Variants in CSMD1 observed in about 807,000 individuals in gnomAD.
CSMD1 encodes the protein CUB and Sushi multiple domains 1.
In CSMD1, 213 loss-of-function variants were observed where a neutral mutation model predicts 417.5. The ratio of observed to expected loss-of-function variants is 0.51; its 90% CI spans 0.46 to 0.57. The LOEUF (loss-of-function observed/expected upper bound fraction) is 0.57, where lower values mean the gene tolerates loss of function less well. Among genes scored for constraint, CSMD1 ranks in the 20% least tolerant of loss-of-function variants. The probability of loss-of-function intolerance (pLI) is 0.00; values close to 1 mark genes in which losing one functional copy is unlikely to be tolerated. For missense variants in CSMD1, 6,923 were observed against 4,529.7 expected (o/e 1.53, Z -15.17); for synonymous variants, 2,862 against 1,736.8 (o/e 1.65, Z -16.11).
intron 1 of CSMD1, among the ~76,000 whole-genome samples, chr8:4,770,360 A>G (rs916964788): frequency 6.7e-6 from 1 of 148,602 alleles, no homozygotes; most frequent in Non-Finnish European, 1.5e-5. Context: ...TAATTAAGCT[A>G]TTATATATAT....
intron 7 of CSMD1, among the ~76,000 whole-genome samples, chr8:3,640,652 C>T (rs1797260736): frequency 1.3e-5 from 2 of 152,178 alleles, no homozygotes; most frequent in Non-Finnish European, 1.5e-5. Flanking sequence ...TTAGATATTC[C>T]TTTGATTGTC....
At chr8:3,021,861 G>A (rs1200095356) in intron 51 of CSMD1, among the ~76,000 whole-genome samples, 15 of 138,158 alleles carry the variant, frequency 1.1e-4, no homozygotes, top group East Asian at 4.3e-4. Context: ...CATCCGGAAT[G>A]CACCCGCAAT....
At chr8:3,747,188 T>C (rs1797103582) in intron 6 of CSMD1, among the ~76,000 whole-genome samples, 1 of 152,154 alleles carries the variant, frequency 6.6e-6, no homozygotes, top group African/African-American at 2.4e-5. Context: ...TTGCAAGCTG[T>C]ATGACGAGAG....
chr8:4,018,202 A>C (rs937736080), intron 4 of CSMD1, among the ~76,000 whole-genome samples: 5 of 152,220 alleles, frequency 3.3e-5, no homozygotes, highest in Admixed American at 1.3e-4. Context: ...TAATTTAAAA[A>C]TATTTTCCAG....
chr8:3,337,104 C>T (rs925719565), intron 23 of CSMD1, among the ~76,000 whole-genome samples: 1 of 152,046 alleles, frequency 6.6e-6, no homozygotes, highest in Non-Finnish European at 1.5e-5. Flanking sequence ...GCTGACTAAT[C>T]CCCTGGAACC....
chr8:3,522,307 A>C (rs1797541357), intron 10 of CSMD1, among the ~76,000 whole-genome samples: 1 of 152,234 alleles, frequency 6.6e-6, no homozygotes, highest in African/African-American at 2.4e-5. Context: ...AAGTAAGAAA[A>C]AAGAGGAGAG....
At chr8:3,592,273 C>A (rs549104387) in intron 8 of CSMD1, among the ~76,000 whole-genome samples, 1 of 152,116 alleles carries the variant, frequency 6.6e-6, no homozygotes, top group Admixed American at 6.5e-5. Flanking sequence ...ATATATCTTT[C>A]TGTGTTAAAA....
intron 2 of CSMD1, among the ~76,000 whole-genome samples, chr8:4,477,313 C>T (rs1366980275): frequency 1.3e-5 from 2 of 152,026 alleles, no homozygotes. Flanking sequence ...GTGGGGAAGC[C>T]GAGGCGTTGG....
intron 3 of CSMD1, among the ~76,000 whole-genome samples, chr8:4,180,353 C>T (rs1167856538): frequency 1.4e-5 from 2 of 146,920 alleles, no homozygotes; most frequent in Non-Finnish European, 3.0e-5. Context: ...TGCATGTTCT[C>T]ACTCATACAT....
intron 10 of CSMD1, among the ~76,000 whole-genome samples, chr8:3,547,987 A>G (rs1242165031): frequency 2.6e-5 from 4 of 152,344 alleles, no homozygotes; most frequent in Admixed American, 2.6e-4. Context: ...TGGTAAAGAA[A>G]AAAATAACTA....
intron 3 of CSMD1, among the ~76,000 whole-genome samples, chr8:4,073,369 G>T (rs940086742): frequency 6.6e-6 from 1 of 152,078 alleles, no homozygotes; most frequent in Non-Finnish European, 1.5e-5. Context: ...GAGCAAGGTC[G>T]TACTTAATGA....
intron 8 of CSMD1, among the ~76,000 whole-genome samples, chr8:3,605,382 G>C (rs762532672): frequency 1.3e-5 from 2 of 152,188 alleles, no homozygotes; most frequent in African/African-American, 2.4e-5. Flanking sequence ...TGTAACAAGA[G>C]ACAGGTGCCT....
At chr8:4,153,573 G>A (rs1489835906) in intron 3 of CSMD1, among the ~76,000 whole-genome samples, 1 of 152,222 alleles carries the variant, frequency 6.6e-6, no homozygotes, top group Non-Finnish European at 1.5e-5. Flanking sequence ...CATGGGAAAT[G>A]CTGCATTCCG....
In CSMD1 at chr8:4,540,879, TCCGCCA is replaced by T. The variant is rs1421331364; in HGVS notation, c.302+96457_302+96462del. On this transcript the variant is annotated intron_variant, in intron 2 of 69. Coordinates refer to ENST00000635120, the MANE Select transcript of CSMD1 (RefSeq NM_033225.6). ...ACCAGCAACACAGGAAGTCTGACTC[TCCGCCA>T]CTCTGCTAGTCTGCTATTTAATTTT... 1.2e-4 allele frequency among the ~76,000 whole-genome samples: 19 copies of T among 152,280 alleles called. No homozygotes were observed. The East Asian group carries it at 3.5e-3, about 28-fold the overall frequency.
At chr8:3,956,592 C>A (rs1204199418) in intron 5 of CSMD1, among the ~76,000 whole-genome samples, 5 of 152,144 alleles carry the variant, frequency 3.3e-5, no homozygotes, top group Admixed American at 2.6e-4. Context: ...CCATGTTTTG[C>A]ATACATAATC....
At chr8:3,495,925 C>A (rs150819257) in intron 10 of CSMD1, among the ~76,000 whole-genome samples, 246 of 152,090 alleles carry the variant, frequency 1.6e-3, no homozygotes, top group South Asian at 3.1e-3. Flanking sequence ...CCTTAAGTTC[C>A]GGGGTACATG....
chr8:4,194,467 C>T (rs960014632), intron 3 of CSMD1, among the ~76,000 whole-genome samples: 1 of 152,106 alleles, frequency 6.6e-6, no homozygotes, highest in Non-Finnish European at 1.5e-5. Context: ...TACAATAGCG[C>T]CCTGTCACTT....
intron 6 of CSMD1, among the ~76,000 whole-genome samples, chr8:3,720,826 T>A (rs1357387744): frequency 6.6e-6 from 1 of 152,000 alleles, no homozygotes; most frequent in Non-Finnish European, 1.5e-5. Context: ...TTTGAGACTT[T>A]TTTTTTCGAG....
intron 3 of CSMD1, among the ~76,000 whole-genome samples, chr8:4,342,678 C>T (rs1292593835): frequency 1.3e-5 from 2 of 152,066 alleles, no homozygotes; most frequent in East Asian, 1.9e-4. Flanking sequence ...GAACTGGCTG[C>T]CCAGCGATAG....
Sources: allele counts gnomAD v4.1 joint callset (sites outside exome capture counted in the v4.1 genomes callset), GRCh38; gene constraint gnomAD v4.1.1; transcripts MANE v1.5; gene names NCBI Gene and HGNC (gene_info 2026-07-23, HGNC 2026-07-21).